ENPP3: variants seen among roughly 807,000 people sequenced by gnomAD.
ENPP3 encodes ectonucleotide pyrophosphatase/phosphodiesterase 3.
A neutral mutation model predicts 117.8 loss-of-function variants in ENPP3; 104 were observed. The ratio of observed to expected loss-of-function variants is 0.88; its 90% confidence interval spans 0.75 to 1.04. The LOEUF (loss-of-function observed/expected upper bound fraction) is 1.04. Ranked by LOEUF, ENPP3 falls within the 50% of genes least tolerant of loss-of-function variation. ENPP3 has a pLI of 0.00. For synonymous variants in ENPP3, 380 were observed against 349.9 expected, an observed-to-expected ratio of 1.09 and a Z score of -0.96; for missense variants, 1,026 against 1,051.9, an observed-to-expected ratio of 0.98 and a Z score of 0.34.
At chr6:131,722,760 A>C (rs1302344234) in intron 18 of ENPP3, among the ~76,000 whole-genome samples, 1 of 152,190 alleles carries the variant, frequency 6.6e-6, no homozygotes, top group East Asian at 1.9e-4. Context: ...ATGCCTGGTT[A>C]TTTAGAGCAG....
At chr6:131,641,562 C>G in intron 2 of ENPP3, 32 bp downstream of exon 2, 1 of 1,356,526 alleles carries the variant, frequency 7.4e-7, no homozygotes, top group Non-Finnish European at 1.1e-6. Context: ...CAGAACATTC[C>G]CTTATTTCTT....
In ENPP3 at chr6:131,668,723, C is replaced by T. The variant is rs371521664; in HGVS notation, c.563-2525C>T. 1.7e-4 allele frequency among the ~76,000 whole-genome samples: 26 copies of T among 152,144 alleles called. No individual in the cohort carries two copies. In the South Asian group the frequency reaches 5.0e-3, roughly 29 times the overall value. ...CACGTAAACATTTTAAGGCAATATT[C>T]GAGGGTATAAGTAAAAATAAATGAA... On this transcript the variant is annotated intron_variant, in intron 6 of 24. Transcript: ENST00000357639.
intron 24 of ENPP3, among the ~76,000 whole-genome samples, chr6:131,746,465 C>T (rs1018604475): frequency 6.6e-6 from 1 of 151,986 alleles, no homozygotes; most frequent in African/African-American, 2.4e-5. Flanking sequence ...TGGATTCACC[C>T]TGATATAAAG....
Position 131,658,425 on chromosome 6 carries a change from G to A in ENPP3, c.562+5G>A, listed in dbSNP as rs1014267589. On this transcript the variant is annotated splice_donor_5th_base_variant and intron_variant, in intron 6 of 24. Transcript: ENST00000357639. ...TGCCAAATATCAATAAACTGAGTAA[G>A]TCTTCTGTAACTAGTGGCATGCAAA... 10 of 1,432,876 alleles carry A rather than the reference G, an allele frequency of 7.0e-6. No individual in the cohort carries two copies. The African/African-American group carries it at 8.4e-5, about 12-fold the overall frequency. 88.8% of individuals were successfully genotyped at this position (1,432,876 alleles called of 1,614,324 possible).
intron 9 of ENPP3, among the ~76,000 whole-genome samples, chr6:131,676,103 G>C (rs964402246): frequency 6.6e-6 from 1 of 152,048 alleles, no homozygotes; most frequent in African/African-American, 2.4e-5. Flanking sequence ...CACCCTCCCT[G>C]AGATGATTTG....
chr6:131,666,252 T>C (rs974651417), intron 6 of ENPP3, among the ~76,000 whole-genome samples: 1 of 152,100 alleles, frequency 6.6e-6, no homozygotes, highest in African/African-American at 2.4e-5. Context: ...CTCTTGTATA[T>C]TGTGAGTTGC....
intron 11 of ENPP3, among the ~76,000 whole-genome samples, chr6:131,680,645 T>A (rs1033826406): frequency 3.9e-5 from 6 of 152,232 alleles, no homozygotes; most frequent in Non-Finnish European, 8.8e-5. Flanking sequence ...TTATTGTTAG[T>A]TTTAATCGCA....
At chr6:131,676,454 T>C (rs1778870453) in intron 9 of ENPP3, among the ~76,000 whole-genome samples, 1 of 152,190 alleles carries the variant, frequency 6.6e-6, no homozygotes, top group African/African-American at 2.4e-5. Context: ...TTTTTAAAAA[T>C]TGAATGAATG....
intron 15 of ENPP3, among the ~76,000 whole-genome samples, chr6:131,705,119 TGG>T: frequency 2.0e-5 from 1 of 51,152 alleles, no homozygotes; most frequent in South Asian, 4.8e-4. Context: ...GAGAGGGAAA[TGG>T]CCTGTCGGTG....
intron 2 of ENPP3, among the ~76,000 whole-genome samples, chr6:131,641,803 T>TTTTTTTTTTTTTTTTTTTTTTG (rs1778049662): frequency 8.4e-6 from 1 of 118,640 alleles, no homozygotes; most frequent in Non-Finnish European, 1.7e-5. Flanking sequence ...ACCCTGGTTT[T>TTTTTTTTTTTTTTTTTTTTTTG]TTTTTTTTTT....
At chr6:131,737,552 A>G in intron 22 of ENPP3, 120 bp downstream of exon 22, 1 of 638,842 alleles carries the variant, frequency 1.6e-6, no homozygotes, top group Admixed American at 2.7e-5. Flanking sequence ...TTTTGTTCTA[A>G]TGGTTTAAAT....
intron 14 of ENPP3, among the ~76,000 whole-genome samples, chr6:131,688,763 G>A (rs1779211145): frequency 6.6e-6 from 1 of 151,986 alleles, no homozygotes; most frequent in Non-Finnish European, 1.5e-5. Context: ...AAAGAAAGAA[G>A]TCTTCTGGCC....
intron 11 of ENPP3, 125 bp from the exon 12 acceptor site, chr6:131,682,928 TG>T: frequency 2.9e-6 from 2 of 678,066 alleles, no homozygotes. Context: ...TGCTGGGCTC[TG>T]AGGTTCTGTT....
Position 131,685,513 on chromosome 6 carries a change from T to A in ENPP3, c.1252+18T>A, listed in dbSNP as rs1364212736. Reference sequence around the variant, plus strand: ...TTTTAGTTGTAAGTATGAAGACACCTATATGAAAAAAAGGGTAAACCTGAA... The same window carrying A: ...TTTTAGTTGTAAGTATGAAGACACCAATATGAAAAAAAGGGTAAACCTGAA... On this transcript the variant is annotated intron_variant, in intron 13 of 24. Transcript: ENST00000357639. The A allele has an allele frequency of 8.7e-6, 14 of 1,604,352 alleles. No homozygotes were observed. The Admixed American group carries it at 1.0e-4, about 12-fold the overall frequency.
intron 5 of ENPP3, among the ~76,000 whole-genome samples, chr6:131,656,419 T>C (rs577705037): frequency 6.6e-6 from 1 of 152,228 alleles, no homozygotes; most frequent in Non-Finnish European, 1.5e-5. Context: ...AAGTACTGTA[T>C]AAGTTAATAT....
chr6:131,743,300 G>C (rs1780567887), intron 24 of ENPP3, among the ~76,000 whole-genome samples: 1 of 151,812 alleles, frequency 6.6e-6, no homozygotes. Flanking sequence ...GTATAAAACA[G>C]AACTTAAATG....
intron 15 of ENPP3, among the ~76,000 whole-genome samples, chr6:131,702,018 C>CT (rs1249733997): frequency 4.6e-5 from 7 of 151,626 alleles, no homozygotes; most frequent in Non-Finnish European, 1.0e-4. Flanking sequence ...TCCTTTTGGT[C>CT]TTTTTTTAAA....
At chr6:131,710,076 A>C (rs752688550) in intron 15 of ENPP3, 7 of 1,613,506 alleles carry the variant, frequency 4.3e-6, no homozygotes, top group Non-Finnish European at 5.1e-6. Context: ...GTTTCTTCAA[A>C]GCTCCTTTCG....
intron 17 of ENPP3, among the ~76,000 whole-genome samples, chr6:131,721,826 T>A (rs1238082227): frequency 1.3e-5 from 2 of 152,200 alleles, no homozygotes; most frequent in African/African-American, 4.8e-5. Flanking sequence ...TTAAGGAAGC[T>A]TTTCTTTGGA....
Sources: allele counts gnomAD v4.1 joint callset (sites outside exome capture counted in the v4.1 genomes callset), GRCh38; gene constraint gnomAD v4.1.1; transcripts MANE v1.5; gene names NCBI Gene and HGNC (gene_info 2026-07-23, HGNC 2026-07-21).